Variants in LRRN2 observed in about 807,000 individuals in gnomAD.
LRRN2 encodes the protein leucine rich repeat neuronal 2, also known as leucine-rich repeat neuronal protein 2.
In LRRN2, 10 loss-of-function variants were observed where a neutral mutation model predicts 35.7. The ratio of observed to expected loss-of-function variants is 0.28; its 90% CI spans 0.17 to 0.47. LRRN2 has a LOEUF of 0.47. Among genes scored for constraint, LRRN2 ranks in the 20% least tolerant of loss-of-function variants. The pLI is 0.99. For missense variants in LRRN2, 731 were observed against 940.3 expected, an observed-to-expected ratio of 0.78 and a Z score of 2.91; for synonymous variants, 391 against 409.6, an observed-to-expected ratio of 0.95 and a Z score of 0.55.
chr1:204,619,806 C>A lies in LRRN2; in HGVS notation c.187G>T (p.Val63Phe), dbSNP rs1666714271. ...VDCNDLFLTAVPPALPAGTQT... is the reference protein window; with the variant it reads ...VDCNDLFLTAFPPALPAGTQT... ...GTGCCTGCGGGGAGTGCCGGGGGGACTGCCGTCAGGAATAGGTCATTGCAG... is the reference window on the plus strand; with the variant it reads ...GTGCCTGCGGGGAGTGCCGGGGGGAATGCCGTCAGGAATAGGTCATTGCAG... Residue 63 changes from valine (V) to phenylalanine (F), a missense_variant, in exon 2 of 2, where the codon GTC becomes TTC. By Grantham distance (50) the Val-to-Phe change is conservative. Transcript: ENST00000367177. 1 of 1,613,930 alleles carries A rather than the reference C, an allele frequency of 6.2e-7. No homozygotes were observed. The highest frequency in any genetic ancestry group is 8.5e-7 in the Non-Finnish European group (1 of 1,179,960).
chr1:204,647,631 G>A (rs965421149), intron 1 of LRRN2, among the ~76,000 whole-genome samples: 3 of 152,184 alleles, frequency 2.0e-5, no homozygotes, highest in Non-Finnish European at 4.4e-5. Flanking sequence ...AAGGAGAAGG[G>A]CTGGTCCCTG....
intron 1 of LRRN2, among the ~76,000 whole-genome samples, chr1:204,654,283 C>G (rs560222062): frequency 1.3e-5 from 2 of 152,200 alleles, no homozygotes; most frequent in African/African-American, 4.8e-5. Flanking sequence ...GTACGAGGAG[C>G]CTTCTGGGTA....
intron 1 of LRRN2, among the ~76,000 whole-genome samples, chr1:204,681,605 G>A (rs1668957421): frequency 6.6e-6 from 1 of 152,158 alleles, no homozygotes; most frequent in Non-Finnish European, 1.5e-5. Flanking sequence ...CTTGAAGGCA[G>A]GGACATCTGA....
At chr1:204,675,823 C>T (rs1022703401) in intron 1 of LRRN2, among the ~76,000 whole-genome samples, 4 of 152,322 alleles carry the variant, frequency 2.6e-5, no homozygotes, top group Middle Eastern at 3.4e-3. Context: ...AGAACCAGAG[C>T]GCTTCCTGTT....
chr1:204,618,964 G>T lies in LRRN2; in HGVS notation c.1029C>A (p.Asn343Lys). ...HLPQMETLML[N>K]NNALSALHQQ... ...GGTGCAAGGCACTGAGAGCGTTGTT[G>T]TTGAGCATGAGGGTCTCCATCTGGG... The change falls in exon 2 of 2, where the codon AAC becomes AAA. Residue 343 changes from asparagine to lysine, a missense_variant. Asn to Lys is a moderately conservative substitution (Grantham distance 94). Transcript: ENST00000367177. 6.2e-7 allele frequency: 1 copy of T among 1,614,086 alleles called. No individual in the cohort carries two copies. The highest frequency in any genetic ancestry group is 8.5e-7 in the Non-Finnish European group (1 of 1,179,956).
At chr1:204,665,271 G>A (rs534811039) in intron 1 of LRRN2, among the ~76,000 whole-genome samples, 6 of 152,034 alleles carry the variant, frequency 3.9e-5, no homozygotes, top group South Asian at 2.1e-4. Context: ...CACATGGCTC[G>A]CCAAAAGGCC....
intron 1 of LRRN2, chr1:204,664,439 T>TTGCCCTCCATCACTG (rs1349795325): frequency 6.6e-6 from 1 of 152,302 alleles, no homozygotes; most frequent in Non-Finnish European, 1.5e-5. Context: ...GTGACCTCCT[T>TTGCCCTCCATCACTG]TGCCCTCCAT....
In LRRN2 at chr1:204,645,504, C is replaced by T. The variant is rs564905265; in HGVS notation, c.-226-25286G>A. On this transcript the variant is annotated intron_variant, in intron 1 of 1. Transcript: ENST00000367177. The stretch of plus-strand genomic sequence containing the variant: ...GATTTCACAGTAGGGTTTAGGTCGA[C>T]AAGGCACTTTCTCATATGTGTGATT... 1.7e-3 allele frequency among the ~76,000 whole-genome samples: 258 copies of T among 152,258 alleles called. 4 individuals carry two copies. The highest frequency in any genetic ancestry group is 2.6e-3 in the Admixed American group (40 of 15,296).
chr1:204,653,334 G>A (rs147729598), intron 1 of LRRN2, among the ~76,000 whole-genome samples: 1,756 of 152,262 alleles, frequency 0.012, 36 homozygotes, highest in African/African-American at 0.04. Context: ...TTGGGAAACC[G>A]TGAAGGAAGC....
At chr1:204,673,106 C>T (rs1396459264) in intron 1 of LRRN2, among the ~76,000 whole-genome samples, 1 of 152,172 alleles carries the variant, frequency 6.6e-6, no homozygotes, top group Non-Finnish European at 1.5e-5. Context: ...TTAGAGAATG[C>T]ACCAGCAACT....
intron 1 of LRRN2, among the ~76,000 whole-genome samples, chr1:204,661,179 G>A (rs1668464303): frequency 6.6e-6 from 1 of 152,158 alleles, no homozygotes; most frequent in East Asian, 1.9e-4. Context: ...TTTTAAGAGT[G>A]GGCAGAAGTG....
chr1:204,645,269 A>T (rs1271360970), intron 1 of LRRN2, among the ~76,000 whole-genome samples: 3 of 152,250 alleles, frequency 2.0e-5, no homozygotes, highest in Admixed American at 1.3e-4. Context: ...CTGGCCCTAG[A>T]GTAACAGTTC....
At chr1:204,674,457 G>A (rs141222044) in intron 1 of LRRN2, among the ~76,000 whole-genome samples, 7 of 152,324 alleles carry the variant, frequency 4.6e-5, no homozygotes, top group East Asian at 1.9e-4. Context: ...GGGGCCGGCC[G>A]GTGGCTCAGG....
At chr1:204,663,539 G>T (rs1668513459) in intron 1 of LRRN2, among the ~76,000 whole-genome samples, 1 of 152,086 alleles carries the variant, frequency 6.6e-6, no homozygotes, top group Non-Finnish European at 1.5e-5. Context: ...CCAAGCAAAC[G>T]TTTTTAGCCC....
chr1:204,648,989 T>G (rs544057451), intron 1 of LRRN2, among the ~76,000 whole-genome samples: 100 of 151,822 alleles, frequency 6.6e-4, no homozygotes, highest in African/African-American at 2.3e-3. Flanking sequence ...CAGGCCAGAG[T>G]CATCAGAAGT....
Position 204,617,838 on chromosome 1 carries a change from A to AACAGGCTGAGC in LRRN2, c.*2_*12dup. The AACAGGCTGAGC allele has an allele frequency of 1.9e-6, 3 of 1,613,802 alleles. No homozygotes were observed. The South Asian group carries it at 3.3e-5, about 18-fold the overall frequency. ...TCCTAGTGATTTCTCTACTGCTGAG[A>AACAGGCTGAGC]ACAGGCTGAGCTTCAAGAATTTTGA... On this transcript the variant is annotated 3_prime_UTR_variant, in exon 2 of 2. Transcript: ENST00000367177.
intron 1 of LRRN2, among the ~76,000 whole-genome samples, chr1:204,659,760 A>C (rs1252091048): frequency 1.3e-5 from 2 of 152,150 alleles, no homozygotes; most frequent in African/African-American, 4.8e-5. Flanking sequence ...AGCCTGGCTC[A>C]TGGTAAGTGC....
chr1:204,652,260 G>GC (rs57390819), intron 1 of LRRN2, among the ~76,000 whole-genome samples: 2,061 of 60,330 alleles, frequency 0.034, 37 homozygotes, highest in African/African-American at 0.074. Context: ...CCTCTTCACC[G>GC]CCCCCCCCCC....
Position 204,619,294 on chromosome 1 carries a change from C to G in LRRN2, c.699G>C (p.Leu233=). 2 of 1,614,204 alleles carry G rather than the reference C, an allele frequency of 1.2e-6. No individual in the cohort carries two copies. The highest frequency in any genetic ancestry group is 1.7e-6 in the Non-Finnish European group (2 of 1,180,034). The change falls in exon 2 of 2, where the codon CTG becomes CTC. Residue 233 remains leucine (L), a synonymous_variant. Coordinates refer to ENST00000367177, the MANE Select transcript of LRRN2 (RefSeq NM_201630.2). ...MNLREISDYA[L]EGLQSLESLS... is the part of the protein sequence containing the mutation. ...GGCTCTCCAGGCTTTGCAGCCCCTCCAGGGCATAGTCGGAGATCTCCCGCA... is the reference window on the plus strand; with the variant it reads ...GGCTCTCCAGGCTTTGCAGCCCCTCGAGGGCATAGTCGGAGATCTCCCGCA...
Sources: gnomAD v4.1 joint callset for allele counts (sites outside exome capture counted in the v4.1 genomes callset) on GRCh38, gnomAD v4.1.1 for gene constraint, MANE v1.5 for transcripts, NCBI Gene and HGNC (gene_info 2026-07-23, HGNC 2026-07-21) for gene names.